The following MAEA variants were observed in gnomAD, a reference collection of about 807,000 sequenced individuals.
MAEA encodes the protein macrophage erythroblast attacher, E3 ubiquitin ligase.
A neutral mutation model predicts 46.2 loss-of-function variants in MAEA; 22 were observed. The ratio of observed to expected loss-of-function variants is 0.48; its 90% CI spans 0.34 to 0.68. MAEA has a LOEUF of 0.68. Among genes scored for constraint, MAEA ranks in the 30% least tolerant of loss-of-function variants. The pLI, the probability that MAEA is intolerant of heterozygous loss-of-function variation, is 0.01. For synonymous variants in MAEA, 246 were observed against 222.6 expected, an observed-to-expected ratio of 1.11 and a Z score of -0.94; for missense variants, 393 against 558.1, an observed-to-expected ratio of 0.70 and a Z score of 2.98.
chr4:1,328,512 T>A, intron 5 of MAEA: 2 of 681,730 alleles, frequency 2.9e-6, no homozygotes, highest in Non-Finnish European at 4.1e-6. Context: ...AGTTGCTGTG[T>A]GGGGTGTGTG....
rs554450054 is a variant in MAEA at position 1,315,679 on chromosome 4, G to A, written c.456+79G>A. On this transcript the variant is annotated intron_variant, in intron 3 of 8. Transcript: ENST00000303400. ...CCAGCCGCCCTGTGGCATGTCCCCCGGCATGCCTGTGTCCCTACATGCTTG... is the reference window on the plus strand; with the variant it reads ...CCAGCCGCCCTGTGGCATGTCCCCCAGCATGCCTGTGTCCCTACATGCTTG... 6.1e-4 allele frequency: 862 copies of A among 1,421,240 alleles called. 1 individual carries two copies. Among genetic ancestry groups the A allele is most frequent in the African/African-American group, 2.7e-3 (192 of 71,142 alleles). The allele number at this position is 1,421,240 out of a possible 1,614,324, so 88.0% of individuals were successfully genotyped here. A position where few individuals can be genotyped will look rare whatever the true frequency, so the allele number is the denominator to read the frequency against.
At chr4:1,309,571 C>A in intron 1 of MAEA, 1 of 1,484,460 alleles carries the variant, frequency 6.7e-7, no homozygotes, top group Non-Finnish European at 9.0e-7. Flanking sequence ...CGGGCCAGCG[C>A]TGGAGGAGGA....
chr4:1,330,530 T>TAATGTTTGTATTTTTAGTAGAGATGG (rs1174058773), intron 5 of MAEA: 5 of 151,454 alleles, frequency 3.3e-5, no homozygotes, highest in African/African-American at 1.2e-4. Context: ...TTGGCCAGGC[T>TAATGTTTGTATTTTTAGTAGAGATGG]GGTCTCAAAC....
intron 3 of MAEA, among the ~76,000 whole-genome samples, chr4:1,321,678 G>A (rs1313293889): frequency 1.3e-5 from 2 of 152,090 alleles, no homozygotes; most frequent in African/African-American, 2.4e-5. Context: ...GGGGAAGGTC[G>A]GGAGTCATTG....
At chr4:1,329,315 C>G (rs1739244300) in intron 5 of MAEA, 1 of 985,372 alleles carries the variant, frequency 1.0e-6, no homozygotes, top group South Asian at 4.7e-5. Context: ...TCCCCCCGCT[C>G]CGTGTAGGGT....
intron 3 of MAEA, among the ~76,000 whole-genome samples, chr4:1,318,230 C>T (rs1560360063): frequency 6.6e-6 from 1 of 152,228 alleles, no homozygotes; most frequent in Non-Finnish European, 1.5e-5. Flanking sequence ...AGCACACTGT[C>T]CTTGGGACCC....
In MAEA at chr4:1,303,104, TCGGGC is replaced by T. The variant is rs1211905470; in HGVS notation, c.70-8870_70-8866del. 2.2e-4 allele frequency among the ~76,000 whole-genome samples: 34 copies of T among 151,812 alleles called. 1 individual carries two copies. In the East Asian group the frequency reaches 6.4e-3, roughly 29 times the overall value. ...GTAGAAACTCTTAAGAATGTCATCC[TCGGGC>T]CGGGTGTGGTGGCTCATGCCTGTAA... is the stretch of plus-strand genomic sequence containing the variant. On this transcript the variant is annotated intron_variant, in intron 1 of 8. Transcript: ENST00000303400.
chr4:1,321,571 CGTG>C (rs1204339666), intron 3 of MAEA, among the ~76,000 whole-genome samples: 3 of 152,328 alleles, frequency 2.0e-5, no homozygotes, highest in South Asian at 4.1e-4. Context: ...GTGGTCCAGA[CGTG>C]GGGCTGTGGG....
chr4:1,339,090 G>C lies in MAEA; in HGVS notation c.1112G>C (p.Arg371Pro). The change falls in exon 9 of 9, where the codon CGT (arginine) becomes CCT (proline). Residue 371 changes from arginine to proline, a missense_variant. Arg to Pro is a moderately radical substitution (Grantham distance 103). This residue lies in a region of MAEA where 358 missense variants were observed against 537.9 expected (regional missense o/e 0.67). Transcript: ENST00000303400. ...VYGYNSLLSI[R>P]QDDKVVCPRT... Reference sequence around the variant, plus strand: ...ATTTTTCAGTCTCTGCTTTCTATCCGTCAAGATGATAAAGTCGTGTGCCCG... The same window carrying C: ...ATTTTTCAGTCTCTGCTTTCTATCCCTCAAGATGATAAAGTCGTGTGCCCG... 6.2e-7 allele frequency: 1 copy of C among 1,613,784 alleles called. No homozygotes were observed. The highest frequency in any genetic ancestry group is 8.5e-7 in the Non-Finnish European group (1 of 1,179,846).
At chr4:1,315,266 G>C (rs997489979) in intron 2 of MAEA, 131 bp from the exon 3 acceptor site, 2 of 835,650 alleles carry the variant, frequency 2.4e-6, no homozygotes, top group Non-Finnish European at 3.8e-6. Flanking sequence ...GGTAGAGCAC[G>C]GTTTTTTTTC....
At chr4:1,312,280 C>T (rs1337249486) in intron 2 of MAEA, 119 bp downstream of exon 2, 3 of 1,213,066 alleles carry the variant, frequency 2.5e-6, no homozygotes, top group Non-Finnish European at 3.5e-6. Flanking sequence ...CGGTTGGGGG[C>T]CCCCTTCCCT....
rs754567611 is a variant in MAEA at position 1,338,558 on chromosome 4, G to A, written c.1036G>A (p.Val346Met). 8 of 1,613,156 alleles carry A rather than the reference G, an allele frequency of 5.0e-6. No individual in the cohort carries two copies. Among genetic ancestry groups the A allele is most frequent in the Non-Finnish European group, 2.5e-6 (3 of 1,179,988 alleles). Residue 346 changes from valine (V) to methionine (M), a missense_variant, in exon 8 of 9, where the codon GTG (valine) becomes ATG (methionine). Transcript: ENST00000303400. ...SRLVCKISGDVMNENNPPMML... is the reference protein window; with the variant it reads ...SRLVCKISGDMMNENNPPMML... ...CCTGGTCTGCAAGATTTCTGGCGACGTGATGAACGAGAACAATCCGCCCAT... is the reference window on the plus strand; with the variant it reads ...CCTGGTCTGCAAGATTTCTGGCGACATGATGAACGAGAACAATCCGCCCAT...
chr4:1,311,224 C>T lies in MAEA; in HGVS notation c.70-755C>T, dbSNP rs956332008. 3.9e-5 allele frequency among the ~76,000 whole-genome samples: 6 copies of T among 152,194 alleles called. No individual in the cohort carries two copies. The highest frequency in any genetic ancestry group is 2.1e-4 in the South Asian group (1 of 4,836). Reference sequence around the variant, plus strand: ...TGCCGGCCACCAGTGCAGCCAGGACCGCAGGTGGTGTTTCCTGCGGGAGCC... The same window carrying T: ...TGCCGGCCACCAGTGCAGCCAGGACTGCAGGTGGTGTTTCCTGCGGGAGCC... On this transcript the variant is annotated intron_variant, in intron 1 of 8. Coordinates refer to ENST00000303400, the MANE Select transcript of MAEA (RefSeq NM_001017405.3). The surrounding 1 kb of genome is among the most constrained non-coding windows in gnomAD (Gnocchi z 4.4).
chr4:1,328,511 G>T (rs2108984908), intron 5 of MAEA: 1 of 677,598 alleles, frequency 1.5e-6, no homozygotes, highest in Non-Finnish European at 2.0e-6. Flanking sequence ...GAGTTGCTGT[G>T]TGGGGTGTGT....
At chr4:1,326,674 G>C (rs544381965) in intron 4 of MAEA, among the ~76,000 whole-genome samples, 1 of 126,662 alleles carries the variant, frequency 7.9e-6, no homozygotes, top group South Asian at 2.8e-4. Context: ...GCCCCAACTC[G>C]GCCTCTCTCC....
rs1429112954 is a variant in MAEA at position 1,311,157 on chromosome 4, G to A, written c.70-822G>A. Among the ~76,000 whole-genome samples, 1 of 152,216 alleles carries A rather than the reference G, an allele frequency of 6.6e-6. No homozygotes were observed. The highest frequency in any genetic ancestry group is 1.5e-5 in the Non-Finnish European group (1 of 68,038). ...GGCAGAGTTGGGCCCACTGCTCTTG[G>A]GCGGCAGCACGGCCGTGTTGCTGAT... On this transcript the variant is annotated intron_variant, in intron 1 of 8. Coordinates refer to ENST00000303400, the MANE Select transcript of MAEA (RefSeq NM_001017405.3). This position sits in a 1 kb window ranked among gnomAD's most constrained non-coding sequence, Gnocchi z 4.4.
intron 1 of MAEA, chr4:1,309,776 G>C: frequency 2.1e-6 from 3 of 1,451,968 alleles, no homozygotes; most frequent in Non-Finnish European, 2.7e-6. Context: ...TTCTGGGCAG[G>C]GCCTTTTCCC....
At position 1,337,335 on chromosome 4, in the gene MAEA, TGCCTGTGACTGACTCTGTCCC is replaced by T. The variant is rs140308885; in HGVS notation, c.899+363_899+383del. ...TTTCCCGTGTGATTACCAAGAACCT[TGCCTGTGACTGACTCTGTCCC>T]GCCTGTGACTGACTCTGTCCCACCT... is the stretch of plus-strand genomic sequence containing the variant. On this transcript the variant is annotated intron_variant, in intron 7 of 8. Transcript: ENST00000303400. 6.9e-5 allele frequency: 18 copies of T among 261,006 alleles called. No individual in the cohort carries two copies. In the African/African-American group the frequency reaches 7.2e-4, roughly 10 times the overall value. 16.2% of individuals were successfully genotyped at this position (261,006 alleles called of 1,614,324 possible). A position where few individuals can be genotyped will look rare whatever the true frequency, so the allele number is the denominator to read the frequency against.
intron 5 of MAEA, chr4:1,329,932 C>A (rs1739323817): frequency 1.0e-6 from 1 of 985,422 alleles, no homozygotes; most frequent in Admixed American, 6.1e-5. Context: ...CCACATGGCG[C>A]TGGAGCGTCG....
Sources: gnomAD v4.1 joint callset for allele counts (sites outside exome capture counted in the v4.1 genomes callset) on GRCh38, gnomAD v4.1.1 for gene constraint, gnomAD v4.1.1 regional missense constraint, Gnocchi (gnomAD v3.1) non-coding constraint, MANE v1.5 for transcripts, NCBI Gene and HGNC (gene_info 2026-07-23, HGNC 2026-07-21) for gene names.